CDK14: variants seen among roughly 807,000 people sequenced by gnomAD.
The protein encoded by CDK14 is cyclin dependent kinase 14.
CDK14 carries 34 observed loss-of-function variants against 60.7 expected under a neutral mutation model. That is an observed-to-expected ratio of 0.56 (90% CI 0.43 to 0.75). CDK14 has a LOEUF of 0.75. Among genes scored for constraint, CDK14 ranks in the 30% least tolerant of loss-of-function variants. CDK14 has a pLI of 0.00. For synonymous variants in CDK14, 197 were observed against 203.7 expected, an observed-to-expected ratio of 0.97 and a Z score of 0.28; for missense variants, 482 against 564.1, an observed-to-expected ratio of 0.85 and a Z score of 1.47.
intron 2 of CDK14, among the ~76,000 whole-genome samples, chr7:90,652,098 T>C (rs1300577160): frequency 2.0e-5 from 3 of 152,186 alleles, no homozygotes; most frequent in Middle Eastern, 3.2e-3. Context: ...TCTTTATTTT[T>C]CCCAAGACTT....
chr7:90,968,531 A>G (rs1489356431), intron 9 of CDK14, among the ~76,000 whole-genome samples: 2 of 152,144 alleles, frequency 1.3e-5, no homozygotes, highest in Admixed American at 6.5e-5. Context: ...AATAGATTCC[A>G]AGAGTGGGAT....
At chr7:91,017,275 G>T (rs1466832271) in intron 10 of CDK14, among the ~76,000 whole-genome samples, 1 of 152,166 alleles carries the variant, frequency 6.6e-6, no homozygotes, top group African/African-American at 2.4e-5. Flanking sequence ...GTTCACATTA[G>T]AGGAAGGAAG....
intron 1 of CDK14, among the ~76,000 whole-genome samples, chr7:90,601,197 A>G (rs951611876): frequency 2.0e-5 from 3 of 152,250 alleles, no homozygotes; most frequent in Non-Finnish European, 4.4e-5. Context: ...GAATAATGTA[A>G]TATGCTTGTT....
intron 4 of CDK14, among the ~76,000 whole-genome samples, chr7:90,756,141 A>G (rs945221693): frequency 5.3e-5 from 8 of 152,226 alleles, no homozygotes; most frequent in African/African-American, 1.9e-4. Context: ...ATAGTGCAAG[A>G]CCTTGGAAAG....
intron 8 of CDK14, among the ~76,000 whole-genome samples, chr7:90,934,067 C>G (rs978667195): frequency 2.6e-5 from 4 of 152,270 alleles, no homozygotes; most frequent in East Asian, 1.9e-4. Context: ...AGCACATGCT[C>G]TCACTCCAGT....
chr7:91,138,914 C>T (rs1320411299), intron 14 of CDK14, among the ~76,000 whole-genome samples: 1 of 152,158 alleles, frequency 6.6e-6, no homozygotes, highest in African/African-American at 2.4e-5. Flanking sequence ...CTTTTTGTTG[C>T]CTCGATTCTG....
At chr7:90,603,639 G>A (rs140763061) in intron 1 of CDK14, among the ~76,000 whole-genome samples, 1 of 152,280 alleles carries the variant, frequency 6.6e-6, no homozygotes, top group East Asian at 1.9e-4. Flanking sequence ...AGTATTTTCT[G>A]GTTCCTATAA....
In CDK14 at chr7:90,802,893, T is replaced by C. The variant is rs181561302; in HGVS notation, c.544+12241T>C. Reference sequence around the variant, plus strand: ...CTTATGTCTTTGAGAATAAATAATATAGTTATTTGAATTTTCTTCTATATT... The same window carrying C: ...CTTATGTCTTTGAGAATAAATAATACAGTTATTTGAATTTTCTTCTATATT... On this transcript the variant is annotated intron_variant, in intron 5 of 14. Coordinates refer to ENST00000380050, the MANE Select transcript of CDK14 (RefSeq NM_001287135.2). 2.0e-5 allele frequency among the ~76,000 whole-genome samples: 3 copies of C among 152,282 alleles called. No homozygotes were observed. The South Asian group carries it at 6.2e-4, about 32-fold the overall frequency.
chr7:91,160,058 T>C (rs897773553), intron 14 of CDK14, among the ~76,000 whole-genome samples: 1 of 152,210 alleles, frequency 6.6e-6, no homozygotes, highest in African/African-American at 2.4e-5. Flanking sequence ...GAAGAAATAC[T>C]GATTAGAGAT....
intron 8 of CDK14, among the ~76,000 whole-genome samples, chr7:90,928,269 A>T (rs573874524): frequency 1.2e-4 from 19 of 152,270 alleles, no homozygotes; most frequent in Middle Eastern, 3.4e-3. Flanking sequence ...CTGGCGATGA[A>T]CTGCGTTCCT....
intron 2 of CDK14, among the ~76,000 whole-genome samples, chr7:90,651,003 G>T (rs1024335645): frequency 1.1e-4 from 16 of 152,234 alleles, no homozygotes; most frequent in African/African-American, 3.9e-4. Context: ...GAAAGTCTTT[G>T]GTAGCTTGAT....
At chr7:91,164,154 A>G (rs74541391) in intron 14 of CDK14, among the ~76,000 whole-genome samples, 7,437 of 152,294 alleles carry the variant, frequency 0.049, 295 homozygotes, top group South Asian at 0.1. Context: ...GTCCAATAAT[A>G]AGTGAATGGT....
At chr7:90,715,997 C>T (rs180880300) in intron 2 of CDK14, among the ~76,000 whole-genome samples, 4 of 151,924 alleles carry the variant, frequency 2.6e-5, no homozygotes, top group Admixed American at 6.6e-5. Context: ...ACCATTTGGT[C>T]GTATGATATG....
intron 12 of CDK14, among the ~76,000 whole-genome samples, chr7:91,098,394 T>G (rs1157386905): frequency 1.3e-5 from 2 of 152,060 alleles, no homozygotes; most frequent in Admixed American, 1.3e-4. Flanking sequence ...TTAGGAGATA[T>G]GCCTAATGTA....
At chr7:90,940,489 A>G (rs571099828) in intron 8 of CDK14, among the ~76,000 whole-genome samples, 32 of 152,242 alleles carry the variant, frequency 2.1e-4, no homozygotes, top group African/African-American at 6.0e-4. Context: ...CTTTGTATGT[A>G]TAAATATACA....
chr7:91,132,000 T>TGGTTG (rs1800132470), intron 14 of CDK14, among the ~76,000 whole-genome samples: 4 of 150,648 alleles, frequency 2.7e-5, no homozygotes, highest in South Asian at 2.1e-4. Flanking sequence ...GAAGTTTTTT[T>TGGTTG]GTTGGTTGGT....
At chr7:90,746,430 C>A (rs1803594863) in intron 3 of CDK14, among the ~76,000 whole-genome samples, 2 of 152,136 alleles carry the variant, frequency 1.3e-5, no homozygotes, top group South Asian at 4.2e-4. Context: ...AGTGTTCAAG[C>A]CCAACTTGAA....
intron 12 of CDK14, among the ~76,000 whole-genome samples, chr7:91,110,624 CTCT>C (rs1231239545): frequency 1.3e-5 from 2 of 152,212 alleles, no homozygotes; most frequent in African/African-American, 4.8e-5. Context: ...AATCACCTTT[CTCT>C]TCTTGTATTT....
intron 14 of CDK14, among the ~76,000 whole-genome samples, chr7:91,181,689 T>C (rs541483769): frequency 2.0e-5 from 3 of 152,312 alleles, no homozygotes; most frequent in Admixed American, 6.5e-5. Context: ...TTTCCTAATA[T>C]CCTCCAAAGG....
Sources: allele counts gnomAD v4.1 joint callset (sites outside exome capture counted in the v4.1 genomes callset), GRCh38; gene constraint gnomAD v4.1.1; transcripts MANE v1.5; gene names NCBI Gene and HGNC (gene_info 2026-07-23, HGNC 2026-07-21).